Variants in SYT1 observed in about 807,000 individuals in gnomAD.
SYT1 encodes synaptotagmin-1.
Under a neutral mutation model 44.8 loss-of-function variants are expected in SYT1, and 8 were observed. The observed-to-expected ratio is 0.18, with a 90% CI of 0.10 to 0.32. The LOEUF is 0.32. Ranked by LOEUF, SYT1 falls within the 10% of genes least tolerant of loss-of-function variation. SYT1 has a pLI of 1.00. For synonymous variants in SYT1, 154 were observed against 188.8 expected (o/e 0.82, Z 1.51); for missense variants, 286 against 509.3 (o/e 0.56, Z 4.22).
intron 8 of SYT1, among the ~76,000 whole-genome samples, chr12:79,333,974 C>T (rs972419190): frequency 1.3e-5 from 2 of 152,054 alleles, no homozygotes; most frequent in African/African-American, 4.8e-5. Flanking sequence ...ATACATGGTC[C>T]GTGACATTGC....
At chr12:79,348,621 A>G (rs1882708930) in intron 8 of SYT1, among the ~76,000 whole-genome samples, 1 of 152,234 alleles carries the variant, frequency 6.6e-6, no homozygotes, top group Non-Finnish European at 1.5e-5. Flanking sequence ...AGTATGTAGT[A>G]TGCATTGAAT....
At chr12:78,904,587 A>G (rs1048000024) in intron 1 of SYT1, among the ~76,000 whole-genome samples, 3 of 152,136 alleles carry the variant, frequency 2.0e-5, no homozygotes, top group Non-Finnish European at 4.4e-5. Context: ...AACTATCTTT[A>G]TATGGAAAAC....
chr12:79,101,687 G>C (rs1165820815), intron 3 of SYT1, among the ~76,000 whole-genome samples: 2 of 152,062 alleles, frequency 1.3e-5, no homozygotes, highest in African/African-American at 4.8e-5. Context: ...TTGCAAAGTT[G>C]AGGTGTAGAA....
chr12:79,312,221 A>T (rs1880841942), intron 8 of SYT1, among the ~76,000 whole-genome samples: 1 of 152,134 alleles, frequency 6.6e-6, no homozygotes, highest in East Asian at 1.9e-4. Context: ...CCTTATTATT[A>T]AATCGATTTG....
At chr12:78,916,849 C>A (rs915608833) in intron 1 of SYT1, among the ~76,000 whole-genome samples, 37 of 151,992 alleles carry the variant, frequency 2.4e-4, no homozygotes, top group Admixed American at 4.6e-4. Flanking sequence ...TTCCTATGTA[C>A]CCCCATTCTC....
intron 3 of SYT1, among the ~76,000 whole-genome samples, chr12:79,108,370 A>G (rs1480551337): frequency 2.0e-5 from 3 of 152,066 alleles, no homozygotes; most frequent in Admixed American, 2.0e-4. Flanking sequence ...TATCACTTAT[A>G]ATAAAAGTAT....
chr12:78,982,480 T>C (rs1015530484), intron 2 of SYT1, among the ~76,000 whole-genome samples: 1 of 152,176 alleles, frequency 6.6e-6, no homozygotes, highest in Non-Finnish European at 1.5e-5. Context: ...TTTTTCAATA[T>C]CAAGCACCCC....
At chr12:79,249,544 T>C (rs954026067) in intron 4 of SYT1, among the ~76,000 whole-genome samples, 1 of 152,184 alleles carries the variant, frequency 6.6e-6, no homozygotes, top group East Asian at 1.9e-4. Context: ...ATCAGGTAGT[T>C]AAAGAAAGAC....
Position 79,179,217 on chromosome 12 carries a change from TATATAGATATAGATATAGATATATAG to T in SYT1, c.-17-38242_-17-38217del, listed in dbSNP as rs1565841579. ...ATAGATATATAGATATAGATATAGATATATAGATATAGATATAGATATATAGATATAGATATAGATATAGATATATA... is the reference window on the plus strand; with the variant it reads ...ATAGATATATAGATATAGATATAGATATATAGATATAGATATAGATATATA... On this transcript the variant is annotated intron_variant, in intron 3 of 10. Coordinates refer to ENST00000261205, the MANE Select transcript of SYT1 (RefSeq NM_005639.3). Among the ~76,000 whole-genome samples, 46 of 32,384 alleles carry T rather than the reference TATATAGATATAGATATAGATATATAG, an allele frequency of 1.4e-3. 8 individuals carry two copies. Among genetic ancestry groups the T allele is most frequent in the East Asian group, 5.2e-3 (9 of 1,744 alleles). The allele number at this position is 32,384 out of a possible 152,430, so 21.2% of individuals were successfully genotyped here.
chr12:79,376,318 G>A (rs577683295), intron 9 of SYT1, among the ~76,000 whole-genome samples: 2 of 152,250 alleles, frequency 1.3e-5, no homozygotes, highest in East Asian at 3.9e-4. Context: ...CCATTTTTAT[G>A]GTCATTTCTT....
chr12:79,126,553 C>T (rs1455257004), intron 3 of SYT1, among the ~76,000 whole-genome samples: 3 of 152,158 alleles, frequency 2.0e-5, no homozygotes, highest in Non-Finnish European at 2.9e-5. Context: ...GCCACCATAC[C>T]CGGCCAAAAG....
At chr12:79,399,289 A>ATTTT (rs576684760) in intron 9 of SYT1, among the ~76,000 whole-genome samples, 175 of 134,190 alleles carry the variant, frequency 1.3e-3, no homozygotes, top group Middle Eastern at 8.1e-3. Flanking sequence ...AGTAATTTGA[A>ATTTT]TTTTTTTTTT....
intron 2 of SYT1, 50 bp from the exon 3 acceptor site, chr12:79,047,247 C>T (rs1874138312): frequency 6.6e-6 from 1 of 151,450 alleles, no homozygotes; most frequent in Non-Finnish European, 1.5e-5. Context: ...AAAAATGATT[C>T]TGAACTATGT....
chr12:78,876,461 GTGTTT>G (rs1874077842), intron 1 of SYT1, among the ~76,000 whole-genome samples: 7 of 30,236 alleles, frequency 2.3e-4, no homozygotes, highest in Non-Finnish European at 8.3e-4. Context: ...GAAAATGGAG[GTGTTT>G]TTTTTTTTTT....
At chr12:78,988,339 A>G (rs572588748) in intron 2 of SYT1, among the ~76,000 whole-genome samples, 4 of 149,720 alleles carry the variant, frequency 2.7e-5, no homozygotes, top group Admixed American at 1.3e-4. Flanking sequence ...ATAAATCAAG[A>G]TACATAGATA....
intron 2 of SYT1, among the ~76,000 whole-genome samples, chr12:79,027,443 C>A (rs1010187056): frequency 1.3e-5 from 2 of 150,840 alleles, no homozygotes; most frequent in Non-Finnish European, 3.0e-5. Context: ...AAGGAGGTGT[C>A]AAAAAATAAA....
chr12:78,975,617 G>T (rs570157908), intron 1 of SYT1, among the ~76,000 whole-genome samples: 6 of 152,264 alleles, frequency 3.9e-5, no homozygotes, highest in African/African-American at 1.4e-4. Context: ...TGAGGCTCTT[G>T]CCCCAGACTC....
At chr12:79,100,389 G>A (rs1444736479) in intron 3 of SYT1, among the ~76,000 whole-genome samples, 1 of 152,070 alleles carries the variant, frequency 6.6e-6, no homozygotes, top group Non-Finnish European at 1.5e-5. Context: ...AAACTGGTCT[G>A]CTAAGAAGTC....
At chr12:79,297,153 G>T (rs982219079) in intron 7 of SYT1, among the ~76,000 whole-genome samples, 1 of 152,138 alleles carries the variant, frequency 6.6e-6, no homozygotes, top group Non-Finnish European at 1.5e-5. Context: ...ATTATGTAAA[G>T]GGGAAGTGTC....
Sources: allele counts gnomAD v4.1 joint callset (sites outside exome capture counted in the v4.1 genomes callset), GRCh38; gene constraint gnomAD v4.1.1; transcripts MANE v1.5; gene names NCBI Gene and HGNC (gene_info 2026-07-23, HGNC 2026-07-21).